The following SCML2 variants were observed in gnomAD, a reference collection of about 807,000 sequenced individuals.
The protein encoded by SCML2 is Scm polycomb group protein like 2.
In SCML2, 6 loss-of-function variants were observed where a neutral mutation model predicts 48.4. The observed-to-expected ratio is 0.12, with a 90% CI of 0.07 to 0.24. The LOEUF is 0.24. Among genes scored for constraint, SCML2 ranks in the 10% least tolerant of loss-of-function variants. The pLI, the probability that SCML2 is intolerant of heterozygous loss-of-function variation, is 1.00. For synonymous variants in SCML2, 181 were observed against 189.5 expected, an observed-to-expected ratio of 0.95 and a Z score of 0.37; for missense variants, 377 against 528.2, an observed-to-expected ratio of 0.71 and a Z score of 2.81.
intron 2 of SCML2, among the ~76,000 whole-genome samples, chrX:18,331,615 CAAAT>C (rs1929664066): frequency 8.9e-6 from 1 of 111,942 alleles, no homozygotes; most frequent in Non-Finnish European, 1.9e-5. Flanking sequence ...TTAAAATCAT[CAAAT>C]AACCAGTGTT....
chrX:18,319,595 CA>C (rs1354418550), intron 6 of SCML2, among the ~76,000 whole-genome samples: 9 of 34,004 alleles, frequency 2.6e-4, no homozygotes, highest in Admixed American at 3.5e-4. Flanking sequence ...GACTCTGTCT[CA>C]AAAAAAAAAA....
At chrX:18,317,712 T>C (rs1352254046) in intron 6 of SCML2, among the ~76,000 whole-genome samples, 1 of 107,784 alleles carries the variant, frequency 9.3e-6, no homozygotes, top group African/African-American at 3.4e-5. Context: ...CAGGCGCCTG[T>C]AGTCCCAGCT....
At chrX:18,260,454 C>T (rs1372632712) in intron 8 of SCML2, among the ~76,000 whole-genome samples, 163 bp from the exon 9 acceptor site, 1 of 111,326 alleles carries the variant, frequency 9.0e-6, no homozygotes, top group Non-Finnish European at 1.9e-5. Flanking sequence ...GCAGAACTTT[C>T]CAAACTGAGC....
At chrX:18,294,219 A>C (rs992069040) in intron 7 of SCML2, among the ~76,000 whole-genome samples, 1 of 111,790 alleles carries the variant, frequency 8.9e-6, no homozygotes, top group Non-Finnish European at 1.9e-5. Context: ...CACAAAGAAG[A>C]ACCAAAATAT....
intron 7 of SCML2, among the ~76,000 whole-genome samples, chrX:18,301,734 A>C (rs1015857156): frequency 9.0e-6 from 1 of 111,529 alleles, no homozygotes; most frequent in African/African-American, 3.3e-5. Context: ...CCATGATTGC[A>C]CCACTGCACT....
intron 13 of SCML2, 45 bp from the exon 14 acceptor site, chrX:18,242,635 T>C (rs765925877): frequency 8.7e-7 from 1 of 1,151,701 alleles, no homozygotes; most frequent in East Asian, 3.1e-5. Flanking sequence ...GACCTGATCA[T>C]TATCCTGAAA....
Position 18,305,840 on chromosome X carries a change from T to C in SCML2, c.487-625A>G, listed in dbSNP as rs928222603. Among the ~76,000 whole-genome samples the C allele has an allele frequency of 4.5e-5, 5 of 110,660 alleles. No individual in the cohort carries two copies. In the Admixed American group the frequency reaches 4.8e-4, roughly 11 times the overall value. On this transcript the variant is annotated intron_variant, in intron 6 of 14. Coordinates refer to ENST00000251900, the MANE Select transcript of SCML2 (RefSeq NM_006089.3). ...TCATATAGTATGGGGTCATTTATAA[T>C]ACCCAATCCAGAAATCAACATTTTA...
At chrX:18,295,973 C>T (rs1928384679) in intron 7 of SCML2, among the ~76,000 whole-genome samples, 1 of 111,633 alleles carries the variant, frequency 9.0e-6, no homozygotes, top group South Asian at 3.7e-4. Flanking sequence ...AAAGATTTCC[C>T]CTATAAAAGC....
chrX:18,286,942 T>C (rs1190307113), intron 7 of SCML2, among the ~76,000 whole-genome samples: 1 of 110,369 alleles, frequency 9.1e-6, no homozygotes, highest in Admixed American at 9.8e-5. Context: ...TTGTTGGACC[T>C]TGCACCAATT....
intron 7 of SCML2, among the ~76,000 whole-genome samples, chrX:18,288,343 C>T (rs1052555478): frequency 9.0e-6 from 1 of 111,286 alleles, no homozygotes. Context: ...TTTACTGTCA[C>T]ATCCCTAAAA....
intron 7 of SCML2, among the ~76,000 whole-genome samples, chrX:18,304,239 C>T (rs1569154583): frequency 9.0e-6 from 1 of 111,311 alleles, no homozygotes; most frequent in Non-Finnish European, 1.9e-5. Flanking sequence ...TAACTTAGGC[C>T]AATGATTGGG....
intron 3 of SCML2, among the ~76,000 whole-genome samples, chrX:18,325,271 T>C (rs973244177): frequency 8.9e-6 from 1 of 111,952 alleles, no homozygotes; most frequent in African/African-American, 3.2e-5. Context: ...ACGTTAGAAA[T>C]AACTAAAGAA....
intron 1 of SCML2, among the ~76,000 whole-genome samples, chrX:18,353,814 C>G (rs1447261249): frequency 8.8e-6 from 1 of 113,089 alleles, no homozygotes; most frequent in Non-Finnish European, 1.9e-5. Flanking sequence ...CCCATTCTCC[C>G]TCCGGCTCTT....
intron 7 of SCML2, among the ~76,000 whole-genome samples, chrX:18,292,366 T>C (rs1014449163): frequency 2.7e-5 from 3 of 111,527 alleles, no homozygotes; most frequent in Non-Finnish European, 5.7e-5. Flanking sequence ...TCATATCATC[T>C]AGTTTAATAA....
upstream of SCML2, chrX:18,354,733 CCCCGCGCGGCCGG>C (rs1191284778): frequency 4.4e-6 from 1 of 229,874 alleles, no homozygotes; most frequent in Non-Finnish European, 7.8e-6. Context: ...CCGCCCCGCC[CCCCGCGCGGCCGG>C]CCCGCGTGCC....
chrX:18,295,883 G>A (rs769685716), intron 7 of SCML2, among the ~76,000 whole-genome samples: 3 of 111,983 alleles, frequency 2.7e-5, no homozygotes, highest in Non-Finnish European at 5.6e-5. Context: ...ATAACTCATA[G>A]AGAAACTTCA....
At chrX:18,284,443 A>G (rs763690112) in intron 7 of SCML2, among the ~76,000 whole-genome samples, 2 of 112,408 alleles carry the variant, frequency 1.8e-5, no homozygotes, top group East Asian at 5.6e-4. Context: ...CTGCACAGCC[A>G]AAGAAACCAT....
At chrX:18,282,099 G>C (rs1275720806) in intron 7 of SCML2, among the ~76,000 whole-genome samples, 2 of 110,633 alleles carry the variant, frequency 1.8e-5, no homozygotes, top group African/African-American at 6.6e-5. Context: ...CTCCAGCCTG[G>C]GCAACAAGAG....
intron 6 of SCML2, among the ~76,000 whole-genome samples, chrX:18,309,995 T>C (rs181113963): frequency 1.5e-3 from 164 of 111,579 alleles, no homozygotes; most frequent in East Asian, 5.4e-3. Context: ...GTGATATATA[T>C]ACACAGTGGA....
Sources: gnomAD v4.1 joint callset for allele counts (sites outside exome capture counted in the v4.1 genomes callset) on GRCh38, gnomAD v4.1.1 for gene constraint, MANE v1.5 for transcripts, NCBI Gene and HGNC (gene_info 2026-07-23, HGNC 2026-07-21) for gene names.